Variants in MAP2K1 observed in about 807,000 individuals in gnomAD.
MAP2K1 encodes the protein dual specificity mitogen-activated protein kinase kinase 1.
A neutral mutation model predicts 46.3 loss-of-function variants in MAP2K1; 16 were observed. The observed-to-expected ratio is 0.35, with a 90% confidence interval of 0.23 to 0.52. The LOEUF is 0.52. Among genes scored for constraint, MAP2K1 ranks in the 20% least tolerant of loss-of-function variants. The pLI is 0.94. For missense variants in MAP2K1, 263 were observed against 497.1 expected, an observed-to-expected ratio of 0.53 and a Z score of 4.48; for synonymous variants, 183 against 185.6, an observed-to-expected ratio of 0.99 and a Z score of 0.11.
intron 1 of MAP2K1, among the ~76,000 whole-genome samples, chr15:66,434,785 AT>A (rs1329292288): frequency 6.6e-6 from 1 of 152,106 alleles, no homozygotes; most frequent in Non-Finnish European, 1.5e-5. Context: ...GAAAGACCTA[AT>A]TTTTTCACTT....
intron 1 of MAP2K1, among the ~76,000 whole-genome samples, chr15:66,415,500 C>T (rs1219554564): frequency 6.6e-6 from 1 of 152,164 alleles, no homozygotes; most frequent in Non-Finnish European, 1.5e-5. Context: ...CCCTCAACTC[C>T]TCCCTCCCTC....
intron 7 of MAP2K1, among the ~76,000 whole-genome samples, chr15:66,486,927 A>G (rs1490707441): frequency 6.6e-6 from 1 of 152,182 alleles, no homozygotes; most frequent in Non-Finnish European, 1.5e-5. Flanking sequence ...GCCTCTCTCA[A>G]TAGAAGGAAG....
At chr15:66,424,957 C>T (rs572320474) in intron 1 of MAP2K1, among the ~76,000 whole-genome samples, 18 of 151,924 alleles carry the variant, frequency 1.2e-4, no homozygotes, top group African/African-American at 3.6e-4. Flanking sequence ...CCACCAAGCC[C>T]GGCTAATTTT....
At chr15:66,390,375 G>A (rs1228965550) in intron 1 of MAP2K1, among the ~76,000 whole-genome samples, 1 of 152,158 alleles carries the variant, frequency 6.6e-6, no homozygotes. Context: ...TCTGTGATTA[G>A]ACCAGGGCAC....
In MAP2K1 at chr15:66,387,182, G is replaced by T. The variant is rs1028000379; in HGVS notation, c.-166G>T. ...GCGGGGGTCCACTGAGACCGCTACC[G>T]GCCCCTCGGCGCTGACGGGACCGCG... On this transcript the variant is annotated 5_prime_UTR_variant, in exon 1 of 11. Coordinates refer to ENST00000307102, the MANE Select transcript of MAP2K1 (RefSeq NM_002755.4). 1 of 514,300 alleles carries T rather than the reference G, an allele frequency of 1.9e-6. No individual in the cohort carries two copies. 31.9% of individuals were successfully genotyped at this position (514,300 alleles called of 1,614,324 possible).
At position 66,398,766 on chromosome 15, in the gene MAP2K1, T is replaced by C. The variant is rs2093374173; in HGVS notation, c.80+11339T>C. Among the ~76,000 whole-genome samples, 4 of 126,664 alleles carry C rather than the reference T, an allele frequency of 3.2e-5. No individual in the cohort carries two copies. In the South Asian group the frequency reaches 1.2e-3, roughly 37 times the overall value. 83.1% of individuals were successfully genotyped at this position (126,664 alleles called of 152,430 possible). On this transcript the variant is annotated intron_variant, in intron 1 of 10. Coordinates refer to ENST00000307102, the MANE Select transcript of MAP2K1 (RefSeq NM_002755.4). ...TGGGGAAATGTGAGTAGAGTATTGC[T>C]AATTTTTTTTTTTTCTTTTTTTTTT...
intron 5 of MAP2K1, among the ~76,000 whole-genome samples, chr15:66,478,402 A>ATATATATACACACAGG (rs1892819055): frequency 8.1e-6 from 1 of 124,172 alleles, no homozygotes; most frequent in Admixed American, 7.7e-5. Flanking sequence ...ATGTGTGTGT[A>ATATATATACACACAGG]TATATATATA....
At chr15:66,401,146 CTT>C in intron 1 of MAP2K1, among the ~76,000 whole-genome samples, 1 of 152,194 alleles carries the variant, frequency 6.6e-6, no homozygotes, top group East Asian at 1.9e-4. Context: ...GCAAATGACA[CTT>C]TGTTGATTAT....
chr15:66,415,065 G>A, intron 1 of MAP2K1: 1 of 506,494 alleles, frequency 2.0e-6, no homozygotes, highest in Admixed American at 2.0e-5. Context: ...ACTGCTTGTA[G>A]TACCAGTAAT....
chr15:66,424,298 T>A (rs1329283912), intron 1 of MAP2K1, among the ~76,000 whole-genome samples: 1 of 152,180 alleles, frequency 6.6e-6, no homozygotes, highest in Admixed American at 6.5e-5. Flanking sequence ...CCTCAAGTGA[T>A]CTGCCTGCCT....
At chr15:66,489,182 A>AG (rs1459275793) in intron 8 of MAP2K1, 33 bp from the exon 9 acceptor site, 1 of 1,579,212 alleles carries the variant, frequency 6.3e-7, no homozygotes, top group African/African-American at 1.3e-5. Context: ...GCAAGGAGCC[A>AG]GGCATTTTTC....
chr15:66,398,285 G>A (rs1449606252), intron 1 of MAP2K1, among the ~76,000 whole-genome samples: 2 of 151,782 alleles, frequency 1.3e-5, no homozygotes, highest in Admixed American at 6.6e-5. Context: ...ATGTGGTGGT[G>A]CGTGCGTGTA....
At chr15:66,486,816 T>G (rs908347817) in intron 7 of MAP2K1, among the ~76,000 whole-genome samples, 3 of 152,210 alleles carry the variant, frequency 2.0e-5, no homozygotes, top group African/African-American at 7.2e-5. Context: ...GGCTGTGGCC[T>G]CTGAGGCTCG....
At chr15:66,454,032 T>C (rs371030736) in intron 5 of MAP2K1, among the ~76,000 whole-genome samples, 2 of 152,214 alleles carry the variant, frequency 1.3e-5, no homozygotes, top group East Asian at 3.8e-4. Context: ...TAATAATTTA[T>C]TACCTTACAC....
chr15:66,415,742 A>G (rs2093423077), intron 1 of MAP2K1, among the ~76,000 whole-genome samples: 1 of 152,256 alleles, frequency 6.6e-6, no homozygotes, highest in Non-Finnish European at 1.5e-5. Context: ...TTGCAGAACA[A>G]TGTGTGTATT....
chr15:66,415,056 C>A (rs529831798), intron 1 of MAP2K1: 19 of 502,328 alleles, frequency 3.8e-5, no homozygotes, highest in Admixed American at 8.2e-5. Context: ...TGTCAATGCA[C>A]TGCTTGTAGT....
intron 1 of MAP2K1, among the ~76,000 whole-genome samples, chr15:66,434,262 A>G (rs1262425310): frequency 6.6e-6 from 1 of 152,200 alleles, no homozygotes; most frequent in Non-Finnish European, 1.5e-5. Flanking sequence ...CTAGAATTTT[A>G]TATTGTGATT....
intron 1 of MAP2K1, among the ~76,000 whole-genome samples, chr15:66,407,757 A>G (rs1397275424): frequency 1.3e-5 from 2 of 152,214 alleles, no homozygotes; most frequent in Middle Eastern, 3.2e-3. Context: ...CGGGAGGATT[A>G]CTTGAGCCCA....
rs537330569 is a variant in MAP2K1, at chr15:66,481,377, A to G, written c.569-378A>G. ...TTACTTGTTTTTTTCTGCCTCCTTC[A>G]TGATCCAGCCATAGATACTATATCT... On this transcript the variant is annotated intron_variant, in intron 5 of 10. Coordinates refer to ENST00000307102, the MANE Select transcript of MAP2K1 (RefSeq NM_002755.4). Among the ~76,000 whole-genome samples, 4 of 152,278 alleles carry G rather than the reference A, an allele frequency of 2.6e-5. No homozygotes were observed. In the South Asian group the frequency reaches 8.3e-4, roughly 32 times the overall value.
Sources: gnomAD v4.1 joint callset for allele counts (sites outside exome capture counted in the v4.1 genomes callset) on GRCh38, gnomAD v4.1.1 for gene constraint, MANE v1.5 for transcripts, NCBI Gene and HGNC (gene_info 2026-07-23, HGNC 2026-07-21) for gene names.